Variants in C3orf20 observed in about 807,000 individuals in gnomAD.
The protein encoded by C3orf20 is uncharacterized protein C3orf20.
In C3orf20, 76 loss-of-function variants were observed where a neutral mutation model predicts 88.3. That is an observed-to-expected ratio of 0.86 (90% CI 0.72 to 1.04). C3orf20 has a LOEUF of 1.04. C3orf20 is among the 50% of genes least tolerant of loss of function. The pLI is 0.00. For missense variants in C3orf20, 1,056 were observed against 1,123.3 expected (o/e 0.94, Z 0.86); for synonymous variants, 436 against 437.4 (o/e 1.00, Z 0.04).
intron 5 of C3orf20, among the ~76,000 whole-genome samples, chr3:14,697,043 C>T (rs1461925783): frequency 6.6e-6 from 1 of 152,138 alleles, no homozygotes; most frequent in Non-Finnish European, 1.5e-5. Flanking sequence ...TGCTGCCAGA[C>T]AATTGGAGCT....
chr3:14,679,536 C>T lies in C3orf20; in HGVS notation c.-298-2634C>T, dbSNP rs529034100. Among the ~76,000 whole-genome samples, 7 of 152,298 alleles carry T rather than the reference C, an allele frequency of 4.6e-5. No individual in the cohort carries two copies. In the South Asian group the frequency reaches 1.4e-3, roughly 32 times the overall value. ...GGGCTCTGCTGCGCAGCTTGGCCAC[C>T]TTTAATGCGAAGTTTCCCTCTTCAG... On this transcript the variant is annotated intron_variant, in intron 1 of 16. Transcript: ENST00000253697.
chr3:14,735,225 T>C (rs1170218352), intron 12 of C3orf20, among the ~76,000 whole-genome samples: 1 of 151,906 alleles, frequency 6.6e-6, no homozygotes, highest in African/African-American at 2.4e-5. Flanking sequence ...TTTACATTAA[T>C]ATAATTACTT....
chr3:14,707,820 C>CTTTTTTTTTT (rs60474912), intron 7 of C3orf20, among the ~76,000 whole-genome samples: 2 of 122,154 alleles, frequency 1.6e-5, no homozygotes, highest in African/African-American at 3.2e-5. Flanking sequence ...GTGTTTTCCT[C>CTTTTTTTTTT]TTTTTTTTTT....
At chr3:14,749,306 A>G (rs976607291) in intron 12 of C3orf20, among the ~76,000 whole-genome samples, 69 of 151,944 alleles carry the variant, frequency 4.5e-4, no homozygotes, top group African/African-American at 1.6e-3. Context: ...ATTTGCTTAG[A>G]GTGTTTGTTT....
At chr3:14,761,366 A>T in intron 14 of C3orf20, 107 bp from the exon 15 acceptor site, 1 of 1,327,568 alleles carries the variant, frequency 7.5e-7, no homozygotes, top group Non-Finnish European at 1.1e-6. Flanking sequence ...AAGCTCTGAG[A>T]GGCCTGTGGC....
At chr3:14,692,283 G>A (rs9841491) in intron 5 of C3orf20, among the ~76,000 whole-genome samples, 23,811 of 152,132 alleles carry the variant, frequency 0.16, 2,130 homozygotes, top group Non-Finnish European at 0.2. Context: ...TTGCTGGATC[G>A]CATAGTAGCT....
intron 5 of C3orf20, among the ~76,000 whole-genome samples, chr3:14,693,267 T>A (rs1412052133): frequency 6.6e-6 from 1 of 152,208 alleles, no homozygotes; most frequent in African/African-American, 2.4e-5. Context: ...AGATTGCCAT[T>A]GGTATTTTGA....
At chr3:14,739,491 A>G (rs1198900461) in intron 12 of C3orf20, among the ~76,000 whole-genome samples, 3 of 152,236 alleles carry the variant, frequency 2.0e-5, no homozygotes, top group Non-Finnish European at 4.4e-5. Flanking sequence ...GAGTAGATTT[A>G]GCATCATTCT....
chr3:14,739,481 G>T lies in C3orf20; in HGVS notation c.1940+10793G>T, dbSNP rs2034835053. On this transcript the variant is annotated intron_variant, in intron 12 of 16. Coordinates refer to ENST00000253697, the MANE Select transcript of C3orf20 (RefSeq NM_032137.5). ...TTGTTCCATTTATATAGCACAGGCA[G>T]AGTAGATTTAGCATCATTCTTAAGG... Among the ~76,000 whole-genome samples, 3 of 152,218 alleles carry T rather than the reference G, an allele frequency of 2.0e-5. No homozygotes were observed. In the South Asian group the frequency reaches 6.2e-4, roughly 31 times the overall value.
chr3:14,763,884 T>C (rs369690417), intron 15 of C3orf20, among the ~76,000 whole-genome samples: 1 of 152,328 alleles, frequency 6.6e-6, no homozygotes, highest in South Asian at 2.1e-4. Context: ...GGTCTCCTAA[T>C]GTGTTATATT....
At chr3:14,676,770 C>G (rs952958163) in intron 1 of C3orf20, among the ~76,000 whole-genome samples, 22 of 152,152 alleles carry the variant, frequency 1.4e-4, no homozygotes, top group South Asian at 2.1e-4. Flanking sequence ...AGTGAATCTC[C>G]TTGAGAATCC....
intron 9 of C3orf20, 137 bp downstream of exon 9, chr3:14,715,546 A>C: frequency 9.2e-6 from 11 of 1,193,434 alleles, no homozygotes; most frequent in Non-Finnish European, 1.2e-5. Flanking sequence ...GAAGGAGCTC[A>C]TAATCTCATT....
At chr3:14,767,470 C>G (rs969207879) in intron 15 of C3orf20, 4 of 152,294 alleles carry the variant, frequency 2.6e-5, no homozygotes, top group African/African-American at 4.8e-5. Flanking sequence ...TGCTGGGCCT[C>G]AGTCCCCTCC....
At chr3:14,712,669 GA>G in intron 7 of C3orf20, among the ~76,000 whole-genome samples, 1 of 151,778 alleles carries the variant, frequency 6.6e-6, no homozygotes, top group Admixed American at 6.6e-5. Flanking sequence ...AATCATATAG[GA>G]AAAAAAGAAA....
At chr3:14,752,363 T>A (rs1309582721) in intron 12 of C3orf20, among the ~76,000 whole-genome samples, 1 of 152,040 alleles carries the variant, frequency 6.6e-6, no homozygotes, top group African/African-American at 2.4e-5. Context: ...ACGTAAGACC[T>A]AAAAACCATA....
intron 13 of C3orf20, among the ~76,000 whole-genome samples, chr3:14,759,072 G>A (rs915372669): frequency 1.7e-4 from 26 of 152,238 alleles, no homozygotes; most frequent in African/African-American, 6.3e-4. Context: ...AACAGTGTGA[G>A]TGAGGACAGG....
chr3:14,707,319 A>C (rs1275906394), intron 7 of C3orf20, among the ~76,000 whole-genome samples: 2 of 150,050 alleles, frequency 1.3e-5, no homozygotes, highest in Non-Finnish European at 3.0e-5. Context: ...ATTGATTAGC[A>C]CTTGGCAGCT....
At chr3:14,742,161 A>C (rs1298818314) in intron 12 of C3orf20, among the ~76,000 whole-genome samples, 1 of 152,206 alleles carries the variant, frequency 6.6e-6, no homozygotes, top group Non-Finnish European at 1.5e-5. Flanking sequence ...AATGACAAAA[A>C]CCGCAATACT....
intron 12 of C3orf20, among the ~76,000 whole-genome samples, chr3:14,737,230 T>C (rs2034739637): frequency 6.6e-6 from 1 of 152,186 alleles, no homozygotes; most frequent in Non-Finnish European, 1.5e-5. Flanking sequence ...CCTCCCTTTT[T>C]TCTCTTTTTC....
Sources: gnomAD v4.1 joint callset for allele counts (sites outside exome capture counted in the v4.1 genomes callset) on GRCh38, gnomAD v4.1.1 for gene constraint, MANE v1.5 for transcripts, NCBI Gene and HGNC (gene_info 2026-07-23, HGNC 2026-07-21) for gene names.